CEP89: variants seen among roughly 807,000 people sequenced by gnomAD.
The protein encoded by CEP89 is centrosomal protein of 89 kDa.
CEP89 carries 95 observed loss-of-function variants against 97.6 expected under a neutral mutation model. The observed-to-expected ratio is 0.97, with a 90% CI of 0.82 to 1.15. The LOEUF (loss-of-function observed/expected upper bound fraction) is 1.15, where lower values mean the gene tolerates loss of function less well. CEP89 is among the 50% of genes most tolerant of loss of function. The pLI is 0.00. For missense variants in CEP89, 869 were observed against 947.7 expected, an observed-to-expected ratio of 0.92 and a Z score of 1.09; for synonymous variants, 354 against 349.1, an observed-to-expected ratio of 1.01 and a Z score of -0.16.
chr19:32,907,314 T>C (rs929825476), intron 14 of CEP89, among the ~76,000 whole-genome samples: 33 of 152,180 alleles, frequency 2.2e-4, no homozygotes, highest in African/African-American at 7.0e-4. Context: ...TGAGCCATGA[T>C]TGAGCCACTT....
At chr19:32,924,342 G>A (rs1025767140) in intron 11 of CEP89, among the ~76,000 whole-genome samples, 6 of 152,068 alleles carry the variant, frequency 3.9e-5, no homozygotes, top group East Asian at 3.9e-4. Flanking sequence ...TCTTACTAGC[G>A]TCATCAGTCT....
chr19:32,948,889 T>G (rs1970854125), intron 4 of CEP89, among the ~76,000 whole-genome samples: 3 of 151,950 alleles, frequency 2.0e-5, no homozygotes, highest in East Asian at 1.9e-4. Context: ...CACAACCAGG[T>G]AATTTTTTTT....
At chr19:32,912,764 C>T (rs907331282) in intron 14 of CEP89, among the ~76,000 whole-genome samples, 5 of 151,958 alleles carry the variant, frequency 3.3e-5, no homozygotes, top group Non-Finnish European at 7.4e-5. Context: ...AAAATATGGC[C>T]GGGCGCGGTG....
intron 10 of CEP89, 35 bp from the exon 11 acceptor site, chr19:32,926,308 T>C (rs548699709): frequency 6.8e-7 from 1 of 1,465,814 alleles, no homozygotes; most frequent in South Asian, 1.2e-5. Context: ...TTAATATATT[T>C]CTTACATCTA....
At position 32,966,314 on chromosome 19, in the gene CEP89, G is replaced by A. The variant is rs758046910; in HGVS notation, c.146+46C>T. ...GCAGTTCCAGGATCCAGTACTTGGA[G>A]GCTGAGCACAGGGGTGACCTCAGTG... On this transcript the variant is annotated intron_variant, in intron 2 of 18. Transcript: ENST00000305768. 18 of 1,108,352 alleles carry A rather than the reference G, an allele frequency of 1.6e-5. No homozygotes were observed. In the East Asian group the frequency reaches 3.6e-4, roughly 22 times the overall value. The allele number at this position is 1,108,352 out of a possible 1,614,324, so 68.7% of individuals were successfully genotyped here. A position where few individuals can be genotyped will look rare whatever the true frequency, so the allele number is the denominator to read the frequency against.
chr19:32,935,261 C>T (rs1231318010), intron 7 of CEP89, among the ~76,000 whole-genome samples: 1 of 152,176 alleles, frequency 6.6e-6, no homozygotes, highest in Non-Finnish European at 1.5e-5. Flanking sequence ...CTGGCTCTCC[C>T]TCTTCAGGCA....
rs201244864 is a variant in CEP89 at position 32,933,439 on chromosome 19, G to C, written c.886+12C>G. The C allele has an allele frequency of 5.0e-6, 8 of 1,598,356 alleles. No homozygotes were observed. The highest frequency in any genetic ancestry group is 1.7e-5 in the Admixed American group (1 of 59,382). ...CTCATTCCTCTAATAAAGGCACTCT[G>C]TCTGTCCCCACCTTCCTGTGACGAC... On this transcript the variant is annotated intron_variant, in intron 8 of 18. Transcript: ENST00000305768.
chr19:32,951,771 C>A (rs1190292978), intron 4 of CEP89, among the ~76,000 whole-genome samples: 2 of 152,004 alleles, frequency 1.3e-5, no homozygotes, highest in African/African-American at 4.8e-5. Context: ...TTTCCTACTA[C>A]ACATGGCTCC....
chr19:32,913,300 TATATA>T (rs201618846), intron 14 of CEP89, among the ~76,000 whole-genome samples: 2,630 of 30,756 alleles, frequency 0.086, 83 homozygotes, highest in African/African-American at 0.27. Context: ...TATATATATA[TATATA>T]TTTTTTTGTT....
chr19:32,933,346 A>T (rs557940442), intron 8 of CEP89, 105 bp downstream of exon 8: 2 of 899,082 alleles, frequency 2.2e-6, no homozygotes, highest in Admixed American at 4.7e-5. Flanking sequence ...AAATATTACA[A>T]CATAAATTAC....
intron 11 of CEP89, among the ~76,000 whole-genome samples, chr19:32,925,485 C>CT (rs67751450): frequency 0.019 from 2,339 of 120,080 alleles, 93 homozygotes; most frequent in African/African-American, 0.065. Flanking sequence ...CCAAATAGCC[C>CT]TTTTTTTTTT....
intron 18 of CEP89, among the ~76,000 whole-genome samples, chr19:32,879,911 T>A (rs183605452): frequency 2.6e-4 from 40 of 152,166 alleles, no homozygotes; most frequent in African/African-American, 9.6e-4. Flanking sequence ...TAAGAGCGAG[T>A]CAGGGGGTGA....
intron 17 of CEP89, among the ~76,000 whole-genome samples, chr19:32,884,768 G>A (rs1275260571): frequency 6.6e-6 from 1 of 152,034 alleles, no homozygotes; most frequent in Non-Finnish European, 1.5e-5. Context: ...TCTCTATGTT[G>A]CCCAGGCTGA....
intron 5 of CEP89, among the ~76,000 whole-genome samples, chr19:32,941,116 A>C (rs56340193): frequency 0.21 from 32,694 of 152,084 alleles, 4,003 homozygotes; most frequent in African/African-American, 0.31. Flanking sequence ...AACCAGCTGA[A>C]AATAAACTGG....
chr19:32,947,059 C>T (rs1010916088), intron 5 of CEP89, among the ~76,000 whole-genome samples: 6 of 152,170 alleles, frequency 3.9e-5, no homozygotes, highest in Non-Finnish European at 5.9e-5. Context: ...GATTATGAGG[C>T]TGGCATTCTG....
chr19:32,950,334 G>A (rs1312591665), intron 4 of CEP89, among the ~76,000 whole-genome samples: 1 of 152,118 alleles, frequency 6.6e-6, no homozygotes, highest in Non-Finnish European at 1.5e-5. Flanking sequence ...TAAGGCAGGC[G>A]GATCACCTGA....
rs144490477 is a variant in CEP89 at position 32,885,247 on chromosome 19, C to G, written c.1965+2505G>C. On this transcript the variant is annotated intron_variant, in intron 17 of 18. Transcript: ENST00000305768. ...TATCAGCCTTATTCCCGCTCTAAGT[C>G]TTATTTTACAGTTAAATATATTCTT... is the stretch of plus-strand genomic sequence containing the variant. Among the ~76,000 whole-genome samples, 252 of 152,332 alleles carry G rather than the reference C, an allele frequency of 1.7e-3. 1 individual carries two copies. The highest frequency in any genetic ancestry group is 5.8e-3 in the African/African-American group (243 of 41,568).
intron 13 of CEP89, among the ~76,000 whole-genome samples, chr19:32,918,021 G>A (rs927899569): frequency 1.3e-5 from 2 of 152,208 alleles, no homozygotes; most frequent in African/African-American, 2.4e-5. Context: ...ATGGGATGAT[G>A]AGAGACACTG....
At chr19:32,907,949 A>G (rs1969922389) in intron 14 of CEP89, among the ~76,000 whole-genome samples, 1 of 147,016 alleles carries the variant, frequency 6.8e-6, no homozygotes, top group Non-Finnish European at 1.5e-5. Context: ...GTTTAGATAC[A>G]CAAATACTTA....
Sources: gnomAD v4.1 joint callset for allele counts (sites outside exome capture counted in the v4.1 genomes callset) on GRCh38, gnomAD v4.1.1 for gene constraint, MANE v1.5 for transcripts, NCBI Gene and HGNC (gene_info 2026-07-23, HGNC 2026-07-21) for gene names.